The following ROBO2 variants were observed in gnomAD, a reference collection of about 807,000 sequenced individuals.
ROBO2 encodes roundabout guidance receptor 2.
Under a neutral mutation model 160.8 loss-of-function variants are expected in ROBO2, and 53 were observed. That is an observed-to-expected ratio of 0.33 (90% CI 0.26 to 0.41). The LOEUF (loss-of-function observed/expected upper bound fraction) is 0.41, where lower values mean the gene tolerates loss of function less well. Ranked by LOEUF, ROBO2 falls within the 10% of genes least tolerant of loss-of-function variation. ROBO2 has a pLI of 1.00. For synonymous variants in ROBO2, 664 were observed against 611.7 expected (o/e 1.09, Z -1.26); for missense variants, 1,577 against 1,722.4 (o/e 0.92, Z 1.49).
At chr3:76,838,478 G>A (rs533271183) in intron 2 of ROBO2, among the ~76,000 whole-genome samples, 14 of 151,982 alleles carry the variant, frequency 9.2e-5, no homozygotes, top group East Asian at 7.7e-4. Flanking sequence ...AACAAGTCTC[G>A]CATTGAGGTA....
At chr3:76,620,963 T>C (rs1040019392) in intron 2 of ROBO2, among the ~76,000 whole-genome samples, 15 of 152,164 alleles carry the variant, frequency 9.9e-5, no homozygotes, top group African/African-American at 2.9e-4. Context: ...AGAAACATCA[T>C]GTATAGGAAT....
chr3:76,512,278 A>T (rs1328528728), intron 2 of ROBO2, among the ~76,000 whole-genome samples: 1 of 149,346 alleles, frequency 6.7e-6, no homozygotes, highest in East Asian at 2.0e-4. Flanking sequence ...TTATATATAT[A>T]TATGGAATAA....
At chr3:77,647,959 G>T (rs1021580261) in exon 26 of ROBO2, 2 of 152,144 alleles carry the variant, frequency 1.3e-5, no homozygotes, top group Admixed American at 1.3e-4. Flanking sequence ...AGTATAGAAT[G>T]TAATGTTCTT....
intron 5 of ROBO2, among the ~76,000 whole-genome samples, chr3:77,494,503 G>A (rs1560992993): frequency 6.6e-6 from 1 of 152,182 alleles, no homozygotes; most frequent in South Asian, 2.1e-4. Flanking sequence ...GCTTGAACCC[G>A]GGAGGCAGTG....
chr3:76,871,684 TTGATTGG>T (rs1366518147), intron 2 of ROBO2, among the ~76,000 whole-genome samples: 1 of 152,188 alleles, frequency 6.6e-6, no homozygotes, highest in African/African-American at 2.4e-5. Flanking sequence ...ATTAACTAAA[TTGATTGG>T]GAGCCGTGAC....
chr3:76,952,319 T>G (rs937579624), intron 2 of ROBO2, among the ~76,000 whole-genome samples: 4 of 152,130 alleles, frequency 2.6e-5, no homozygotes, highest in Non-Finnish European at 4.4e-5. Flanking sequence ...TTTTGCTCTT[T>G]TTGCCCAGGC....
intron 2 of ROBO2, among the ~76,000 whole-genome samples, chr3:77,164,600 T>G (rs867291363): frequency 1.1e-4 from 9 of 78,862 alleles, no homozygotes; most frequent in East Asian, 3.6e-4. Context: ...TCTGCCCGGC[T>G]GCCCCTACTG....
chr3:76,333,794 G>T (rs1021230226), intron 2 of ROBO2, among the ~76,000 whole-genome samples: 11 of 152,082 alleles, frequency 7.2e-5, no homozygotes, highest in African/African-American at 2.7e-4. Flanking sequence ...GCTATTGTGA[G>T]TAGTGCCGCA....
At chr3:77,258,550 G>C (rs2058571805) in intron 2 of ROBO2, among the ~76,000 whole-genome samples, 1 of 151,230 alleles carries the variant, frequency 6.6e-6, no homozygotes, top group South Asian at 2.1e-4. Flanking sequence ...TTGAACCCGG[G>C]AGGTTAAGAC....
intron 2 of ROBO2, among the ~76,000 whole-genome samples, chr3:76,203,227 C>G (rs186223910): frequency 6.6e-6 from 1 of 152,302 alleles, no homozygotes; most frequent in Non-Finnish European, 1.5e-5. Context: ...CGGACTCCAT[C>G]AATGGCCTTC....
chr3:76,118,482 G>A (rs767814393), intron 2 of ROBO2, among the ~76,000 whole-genome samples: 1 of 152,124 alleles, frequency 6.6e-6, no homozygotes, highest in Non-Finnish European at 1.5e-5. Flanking sequence ...ATGAGGGAGG[G>A]TTGATTAACA....
chr3:76,247,435 A>G (rs1030863747), intron 2 of ROBO2, among the ~76,000 whole-genome samples: 2 of 152,162 alleles, frequency 1.3e-5, no homozygotes, highest in South Asian at 4.1e-4. Context: ...TCCATTAAAT[A>G]TATTCAAAAT....
chr3:76,873,482 A>G (rs760061539), intron 2 of ROBO2, among the ~76,000 whole-genome samples: 9 of 152,242 alleles, frequency 5.9e-5, no homozygotes, highest in Admixed American at 1.3e-4. Context: ...TTTGCTTTCT[A>G]GAAACTTGTG....
At chr3:76,384,152 T>A (rs1323724027) in intron 2 of ROBO2, among the ~76,000 whole-genome samples, 1 of 152,172 alleles carries the variant, frequency 6.6e-6, no homozygotes, top group East Asian at 1.9e-4. Flanking sequence ...TCAATTGGAG[T>A]GAATGAGTTG....
At chr3:76,504,388 CTA>C (rs1337818692) in intron 2 of ROBO2, among the ~76,000 whole-genome samples, 4 of 152,090 alleles carry the variant, frequency 2.6e-5, no homozygotes, top group African/African-American at 9.7e-5. Flanking sequence ...CCGTGAAGAA[CTA>C]TGAGATCCGT....
intron 2 of ROBO2, among the ~76,000 whole-genome samples, chr3:76,051,361 C>T (rs1354329743): frequency 3.3e-5 from 5 of 152,150 alleles, no homozygotes; most frequent in Non-Finnish European, 7.4e-5. Context: ...ATACTTTGAA[C>T]TAATCAAGGA....
At chr3:76,859,046 TAA>T (rs765105266) in intron 2 of ROBO2, among the ~76,000 whole-genome samples, 15 of 152,176 alleles carry the variant, frequency 9.9e-5, no homozygotes, top group Non-Finnish European at 1.9e-4. Context: ...TACTTAAATA[TAA>T]GAGTCCACCC....
intron 2 of ROBO2, among the ~76,000 whole-genome samples, chr3:77,433,486 G>GTA (rs57475227): frequency 0.051 from 5,015 of 99,058 alleles, 226 homozygotes; most frequent in Middle Eastern, 0.067. Context: ...CTGGCAACTT[G>GTA]TATATATATA....
chr3:76,052,302 T>C (rs1352171987), intron 2 of ROBO2, among the ~76,000 whole-genome samples: 1 of 152,096 alleles, frequency 6.6e-6, no homozygotes, highest in Non-Finnish European at 1.5e-5. Context: ...ATTTATCATC[T>C]AGCATCAAAT....
Sources: allele counts gnomAD v4.1 joint callset (sites outside exome capture counted in the v4.1 genomes callset), GRCh38; gene constraint gnomAD v4.1.1; transcripts MANE v1.5; gene names NCBI Gene and HGNC (gene_info 2026-07-23, HGNC 2026-07-21).